PCLO: variants seen among roughly 807,000 people sequenced by gnomAD.
PCLO encodes protein piccolo.
A neutral mutation model predicts 427.5 loss-of-function variants in PCLO; 82 were observed. That is an observed-to-expected ratio of 0.19 (90% CI 0.16 to 0.23). The LOEUF is 0.23. Ranked by LOEUF, PCLO falls within the 10% of genes least tolerant of loss-of-function variation. The probability of loss-of-function intolerance (pLI) is 1.00; values close to 1 mark genes in which losing one functional copy is unlikely to be tolerated. For synonymous variants in PCLO, 2,357 were observed against 2,155.4 expected, an observed-to-expected ratio of 1.09 and a Z score of -2.59; for missense variants, 6,239 against 6,115.9, an observed-to-expected ratio of 1.02 and a Z score of -0.67.
intron 3 of PCLO, among the ~76,000 whole-genome samples, chr7:83,105,967 T>A (rs750936768): frequency 6.6e-6 from 1 of 152,268 alleles, no homozygotes; most frequent in East Asian, 1.9e-4. Flanking sequence ...GAGTACAGAA[T>A]AGTTCTCAAA....
At chr7:83,058,071 T>C (rs1789447216) in intron 3 of PCLO, among the ~76,000 whole-genome samples, 1 of 152,208 alleles carries the variant, frequency 6.6e-6, no homozygotes, top group African/African-American at 2.4e-5. Context: ...TGGTAGGGTC[T>C]TTTAAAAGCT....
chr7:83,005,619 G>A (rs1378450094), intron 3 of PCLO, among the ~76,000 whole-genome samples: 1 of 151,600 alleles, frequency 6.6e-6, no homozygotes, highest in Non-Finnish European at 1.5e-5. Context: ...AGGAAGAAAA[G>A]TAACTATATG....
intron 3 of PCLO, among the ~76,000 whole-genome samples, chr7:83,058,805 T>C (rs1189484948): frequency 6.6e-6 from 1 of 152,044 alleles, no homozygotes; most frequent in East Asian, 1.9e-4. Context: ...TATGCAATGT[T>C]ACCTCCACGC....
chr7:83,025,758 G>C (rs996011274), intron 3 of PCLO, among the ~76,000 whole-genome samples: 5 of 152,118 alleles, frequency 3.3e-5, no homozygotes, highest in African/African-American at 1.2e-4. Flanking sequence ...CGGATCTCTT[G>C]GCAGAAACCC....
At chr7:83,149,579 C>A (rs1792079436) in intron 2 of PCLO, among the ~76,000 whole-genome samples, 1 of 152,120 alleles carries the variant, frequency 6.6e-6, no homozygotes, top group African/African-American at 2.4e-5. Flanking sequence ...CAGCAAGCAA[C>A]TAAAAAGAGA....
chr7:82,925,878 G>A (rs950527472), intron 6 of PCLO, among the ~76,000 whole-genome samples: 11 of 151,636 alleles, frequency 7.3e-5, no homozygotes, highest in African/African-American at 2.7e-4. Flanking sequence ...ACCATGCCTA[G>A]CTAATTTTTA....
intron 3 of PCLO, among the ~76,000 whole-genome samples, chr7:83,023,507 C>A (rs1788397480): frequency 6.6e-6 from 1 of 152,012 alleles, no homozygotes; most frequent in Non-Finnish European, 1.5e-5. Context: ...ATTAGAGAAC[C>A]ATCAAATACG....
intron 20 of PCLO, among the ~76,000 whole-genome samples, chr7:82,807,667 A>C (rs1449747841): frequency 6.6e-6 from 1 of 152,046 alleles, no homozygotes; most frequent in Non-Finnish European, 1.5e-5. Context: ...ATTTTTATAT[A>C]TATTCCAGTG....
At chr7:82,920,624 A>C (rs1468441789) in intron 6 of PCLO, among the ~76,000 whole-genome samples, 1 of 151,942 alleles carries the variant, frequency 6.6e-6, no homozygotes, top group East Asian at 1.9e-4. Context: ...TGCTGTCCAA[A>C]GTAATTTTAA....
intron 3 of PCLO, among the ~76,000 whole-genome samples, chr7:83,074,353 C>T (rs1445666423): frequency 6.6e-6 from 1 of 151,976 alleles, no homozygotes; most frequent in Non-Finnish European, 1.5e-5. Context: ...GTTAGTACAT[C>T]CTAGAATTAT....
Position 83,018,035 on chromosome 7 carries a change from T to A in PCLO, c.3301-51548A>T, listed in dbSNP as rs2116037991. ...CTTGAAACAAACAAACAAAAAAGAA[T>A]GGGAAGTTGTACTAATAAATGAATT... is the stretch of plus-strand genomic sequence containing the variant. On this transcript the variant is annotated intron_variant, in intron 3 of 24. Coordinates refer to ENST00000333891, the MANE Select transcript of PCLO (RefSeq NM_033026.6). 1.3e-5 allele frequency: 2 copies of A among 152,086 alleles called. 1 individual carries two copies. The highest frequency in any genetic ancestry group is 2.9e-5 in the Non-Finnish European group (2 of 67,938). 9.4% of individuals were successfully genotyped at this position (152,086 alleles called of 1,614,324 possible).
Position 82,952,432 on chromosome 7 carries a change from C to A in PCLO, c.8521G>T (p.Asp2841Tyr), listed in dbSNP as rs1036279682. Reference sequence around the variant, plus strand: ...TCCCTAGCTATAGGAAAGACCTGGTCACTTGGTATCCTGTATGGGGGCTCA... The same window carrying A: ...TCCCTAGCTATAGGAAAGACCTGGTAACTTGGTATCCTGTATGGGGGCTCA... ...HAEPPYRIPS[D>Y]QVFPIAREEA... Residue 2841 changes from aspartate (D) to tyrosine (Y), a missense_variant, in exon 5 of 25, where the codon GAC (aspartate) becomes TAC (tyrosine). Asp to Tyr is a radical substitution (Grantham distance 160). Around this residue, in one of 5 missense-constraint regions of PCLO, gnomAD observed 4,677 missense variants for 4,468.4 expected, o/e 1.05. Coordinates refer to ENST00000333891, the MANE Select transcript of PCLO (RefSeq NM_033026.6). The A allele has an allele frequency of 5.6e-6, 9 of 1,613,878 alleles. No homozygotes were observed. The African/African-American group carries it at 1.1e-4, about 19-fold the overall frequency.
intron 22 of PCLO, among the ~76,000 whole-genome samples, chr7:82,769,825 G>A (rs1162254431): frequency 6.6e-6 from 1 of 152,072 alleles, no homozygotes; most frequent in Non-Finnish European, 1.5e-5. Flanking sequence ...AGCCATGACA[G>A]TCTATCACCT....
In PCLO at chr7:82,966,290, C is replaced by A; in HGVS notation, c.3498G>T (p.Thr1166=). The A allele has an allele frequency of 1.2e-6, 2 of 1,612,448 alleles. No homozygotes were observed. The highest frequency in any genetic ancestry group is 1.7e-6 in the Non-Finnish European group (2 of 1,179,578). The change falls in exon 4 of 25, where the codon ACG becomes ACT. Residue 1166 remains threonine (T), a synonymous_variant. Coordinates refer to ENST00000333891, the MANE Select transcript of PCLO (RefSeq NM_033026.6). ...TTTCCAGAATGACTTTTTCAGCTTC[C>A]GTTTTTACTTCTTGTTCTTGCTTTT... ...LVKKQEQEVK[T]EAEKVILEKV...
At chr7:82,858,925 A>C (rs2115897259) in intron 10 of PCLO, among the ~76,000 whole-genome samples, 1 of 152,312 alleles carries the variant, frequency 6.6e-6, no homozygotes, top group South Asian at 2.1e-4. Flanking sequence ...TCCCTACCAA[A>C]ATTTCAATGT....
At chr7:82,960,528 A>G (rs1365646065) in intron 4 of PCLO, among the ~76,000 whole-genome samples, 3 of 152,236 alleles carry the variant, frequency 2.0e-5, no homozygotes, top group African/African-American at 7.2e-5. Context: ...CGTGTACTAT[A>G]TCAAATAAAG....
At chr7:83,133,195 C>T (rs1010936247) in intron 3 of PCLO, among the ~76,000 whole-genome samples, 1 of 151,878 alleles carries the variant, frequency 6.6e-6, no homozygotes, top group East Asian at 1.9e-4. Context: ...AAGAACACCA[C>T]CAAAAACAAA....
intron 3 of PCLO, among the ~76,000 whole-genome samples, chr7:83,044,630 T>A (rs1789061345): frequency 6.6e-6 from 1 of 152,046 alleles, no homozygotes; most frequent in East Asian, 1.9e-4. Flanking sequence ...TTGTTGAGGG[T>A]TACATAATGA....
intron 3 of PCLO, among the ~76,000 whole-genome samples, chr7:82,982,282 C>T (rs971795108): frequency 6.6e-6 from 1 of 152,054 alleles, no homozygotes; most frequent in African/African-American, 2.4e-5. Context: ...AAATGCTCTG[C>T]AAACTCAATG....
Sources: allele counts gnomAD v4.1 joint callset (sites outside exome capture counted in the v4.1 genomes callset), GRCh38; gene constraint gnomAD v4.1.1; regional missense constraint gnomAD v4.1.1; transcripts MANE v1.5; gene names NCBI Gene and HGNC (gene_info 2026-07-23, HGNC 2026-07-21).